RAB3C: variants seen among roughly 807,000 people sequenced by gnomAD.
RAB3C encodes the protein RAB3C, member RAS oncogene family, also known as ras-related protein Rab-3C.
Under a neutral mutation model 26.4 loss-of-function variants are expected in RAB3C, and 17 were observed. That is an observed-to-expected ratio of 0.64 (90% confidence interval 0.44 to 0.97). RAB3C has a LOEUF of 0.97. Among genes scored for constraint, RAB3C ranks in the 50% least tolerant of loss-of-function variants. The probability of loss-of-function intolerance (pLI) is 0.00; values close to 1 mark genes in which losing one functional copy is unlikely to be tolerated. For synonymous variants in RAB3C, 91 were observed against 95.9 expected, an observed-to-expected ratio of 0.95 and a Z score of 0.30; for missense variants, 242 against 281.9, an observed-to-expected ratio of 0.86 and a Z score of 1.01.
chr5:58,594,496 A>G (rs2111664099), intron 1 of RAB3C, among the ~76,000 whole-genome samples: 1 of 152,298 alleles, frequency 6.6e-6, no homozygotes, highest in South Asian at 2.1e-4. Flanking sequence ...AGGGATGATT[A>G]TGACTATGAA....
intron 1 of RAB3C, among the ~76,000 whole-genome samples, chr5:58,597,677 A>T (rs371679165): frequency 1.5e-5 from 2 of 129,720 alleles, no homozygotes; most frequent in East Asian, 2.2e-4. Flanking sequence ...TATATAATAT[A>T]ATATAGTACA....
rs1046938895 is a variant in RAB3C at position 58,856,339 on chromosome 5, G to C, written c.*4988G>C. ...GAGTCATTTTAAAACCTCACTCAGA[G>C]CTCGAGTGTTAAGATCAGACCATCT... On this transcript the variant is annotated 3_prime_UTR_variant, in exon 5 of 5. Transcript: ENST00000282878. 3 of 70,440 alleles carry C rather than the reference G, an allele frequency of 4.3e-5. No individual in the cohort carries two copies. Among genetic ancestry groups the C allele is most frequent in the Admixed American group, 1.3e-4 (1 of 7,792 alleles). The allele number at this position is 70,440 out of a possible 1,614,324, so 4.4% of individuals were successfully genotyped here.
intron 2 of RAB3C, among the ~76,000 whole-genome samples, chr5:58,661,318 A>G (rs1270591504): frequency 6.7e-6 from 1 of 150,090 alleles, no homozygotes; most frequent in Non-Finnish European, 1.5e-5. Context: ...TCATGTGCCG[A>G]TATCTTTTTT....
At chr5:58,723,010 A>G (rs1218378201) in intron 2 of RAB3C, among the ~76,000 whole-genome samples, 5 of 151,812 alleles carry the variant, frequency 3.3e-5, no homozygotes, top group Non-Finnish European at 5.9e-5. Flanking sequence ...TACCTTTTCA[A>G]TAATTTTTAC....
At chr5:58,766,149 G>A (rs1443872355) in intron 3 of RAB3C, among the ~76,000 whole-genome samples, 2 of 140,826 alleles carry the variant, frequency 1.4e-5, no homozygotes, top group Non-Finnish European at 3.0e-5. Context: ...ATGTAGTCTC[G>A]CTCTGTCACC....
chr5:58,707,214 T>C (rs1271915563), intron 2 of RAB3C, among the ~76,000 whole-genome samples: 1 of 152,222 alleles, frequency 6.6e-6, no homozygotes, highest in Non-Finnish European at 1.5e-5. Flanking sequence ...AGATTAACAG[T>C]AGTTTGTAAT....
At chr5:58,638,903 G>A (rs547791443) in intron 2 of RAB3C, among the ~76,000 whole-genome samples, 7 of 152,272 alleles carry the variant, frequency 4.6e-5, no homozygotes, top group South Asian at 4.1e-4. Flanking sequence ...CAATGGCAGC[G>A]TGGGCAGGTC....
rs1741462552 is a variant in RAB3C, at chr5:58,748,933, C to T, written c.371+22813C>T. ...CAGTTAAGAAGTGAATTTGCTTTCTCCATCCCTGTTTTCCTCTTTAATGAG... is the reference window on the plus strand; with the variant it reads ...CAGTTAAGAAGTGAATTTGCTTTCTTCATCCCTGTTTTCCTCTTTAATGAG... On this transcript the variant is annotated intron_variant, in intron 3 of 4. Coordinates refer to ENST00000282878, the MANE Select transcript of RAB3C (RefSeq NM_138453.4). 3.3e-5 allele frequency among the ~76,000 whole-genome samples: 5 copies of T among 152,100 alleles called. No homozygotes were observed. In the South Asian group the frequency reaches 1.0e-3, roughly 32 times the overall value.
At chr5:58,733,522 A>G (rs1237288608) in intron 3 of RAB3C, among the ~76,000 whole-genome samples, 4 of 152,206 alleles carry the variant, frequency 2.6e-5, no homozygotes, top group African/African-American at 9.6e-5. Flanking sequence ...TGTAGAGGCA[A>G]AGGCAGCAAT....
At chr5:58,728,323 G>A (rs1561302265) in intron 3 of RAB3C, among the ~76,000 whole-genome samples, 1 of 151,978 alleles carries the variant, frequency 6.6e-6, no homozygotes. Context: ...TATGAGCACT[G>A]TCTTTTATTT....
intron 2 of RAB3C, among the ~76,000 whole-genome samples, chr5:58,622,897 A>T (rs1313737876): frequency 6.6e-6 from 1 of 152,190 alleles, no homozygotes; most frequent in Non-Finnish European, 1.5e-5. Flanking sequence ...ATGGTAGAAG[A>T]GATCCAGGGA....
chr5:58,789,683 G>A (rs1432523983), intron 3 of RAB3C, among the ~76,000 whole-genome samples: 2 of 152,112 alleles, frequency 1.3e-5, no homozygotes, highest in Non-Finnish European at 2.9e-5. Context: ...CCACTTTTAA[G>A]CAGCCTCTTT....
chr5:58,598,487 G>C (rs2111679823), intron 1 of RAB3C, among the ~76,000 whole-genome samples: 1 of 152,096 alleles, frequency 6.6e-6, no homozygotes, highest in African/African-American at 2.4e-5. Context: ...GTCTAGACAT[G>C]AAACTCAGCT....
intron 2 of RAB3C, among the ~76,000 whole-genome samples, chr5:58,661,234 G>A (rs1329097530): frequency 6.7e-6 from 1 of 150,048 alleles, no homozygotes; most frequent in Non-Finnish European, 1.5e-5. Flanking sequence ...GTGACCTACT[G>A]CAGGTATTAT....
chr5:58,810,383 C>CTG (rs1385246132), intron 3 of RAB3C, among the ~76,000 whole-genome samples: 76 of 145,822 alleles, frequency 5.2e-4, no homozygotes, highest in African/African-American at 1.6e-3. Context: ...CTCTCTCTCT[C>CTG]TCTGTGTGTG....
intron 3 of RAB3C, among the ~76,000 whole-genome samples, chr5:58,762,055 C>CAA (rs57056495): frequency 6.1e-5 from 8 of 130,326 alleles, no homozygotes; most frequent in African/African-American, 2.3e-4. Flanking sequence ...CTTTTAGAAG[C>CAA]AAAAAAAAAA....
At position 58,802,053 on chromosome 5, in the gene RAB3C, T is replaced by G. The variant is rs996970405; in HGVS notation, c.372-22985T>G. On this transcript the variant is annotated intron_variant, in intron 3 of 4. Transcript: ENST00000282878. Reference sequence around the variant, plus strand: ...ACTGAGGAAAGCATTAGACAAAATATTTTCTCAATGAATCATTAGAGTAAT... The same window carrying G: ...ACTGAGGAAAGCATTAGACAAAATAGTTTCTCAATGAATCATTAGAGTAAT... Among the ~76,000 whole-genome samples, 6 of 152,364 alleles carry G rather than the reference T, an allele frequency of 3.9e-5. No homozygotes were observed. The East Asian group carries it at 1.2e-3, about 29-fold the overall frequency.
At chr5:58,703,745 A>G (rs1748893620) in intron 2 of RAB3C, among the ~76,000 whole-genome samples, 1 of 152,198 alleles carries the variant, frequency 6.6e-6, no homozygotes, top group African/African-American at 2.4e-5. Flanking sequence ...CATGGAGCCC[A>G]GGAATGTCCC....
intron 2 of RAB3C, among the ~76,000 whole-genome samples, chr5:58,723,454 TACATTCTTCCAGAATAATTC>T (rs1740817547): frequency 6.6e-6 from 1 of 151,886 alleles, no homozygotes. Context: ...TTTTATAGCC[TACATTCTTCCAGAATAATTC>T]ACTGATTCCC....
Sources: gnomAD v4.1 joint callset for allele counts (sites outside exome capture counted in the v4.1 genomes callset) on GRCh38, gnomAD v4.1.1 for gene constraint, MANE v1.5 for transcripts, NCBI Gene and HGNC (gene_info 2026-07-23, HGNC 2026-07-21) for gene names.